The following USH2A variants were observed in gnomAD, a reference collection of about 807,000 sequenced individuals.
USH2A encodes usherin.
USH2A carries 443 observed loss-of-function variants against 538.9 expected under a neutral mutation model. That is an observed-to-expected ratio of 0.82 (90% CI 0.76 to 0.89). The LOEUF is 0.89. USH2A is among the 40% of genes least tolerant of loss of function. The probability of loss-of-function intolerance (pLI) is 0.00; values close to 1 mark genes in which losing one functional copy is unlikely to be tolerated. For synonymous variants in USH2A, 2,413 were observed against 2,273.5 expected (o/e 1.06, Z -1.75); for missense variants, 6,633 against 6,324.8 (o/e 1.05, Z -1.65).
chr1:216,374,148 A>T (rs1344874684), intron 3 of USH2A, among the ~76,000 whole-genome samples: 1 of 151,376 alleles, frequency 6.6e-6, no homozygotes, highest in Non-Finnish European at 1.5e-5. Context: ...GATATACCTA[A>T]TGCTAAATCA....
At position 216,288,013 on chromosome 1, in the gene USH2A, T is replaced by C. The variant is rs140668816; in HGVS notation, c.1971+1267A>G. ...AGAGAGAAGAAGAAAAGTAAACAAA[T>C]AAATTAATTTTACAGAGCCTGTAAT... On this transcript the variant is annotated intron_variant, in intron 11 of 71. Transcript: ENST00000307340. Among the ~76,000 whole-genome samples the C allele has an allele frequency of 1.8e-3, 275 of 152,196 alleles. 7 individuals carry two copies. Among genetic ancestry groups the C allele is most frequent in the East Asian group, 0.015 (79 of 5,178 alleles).
intron 30 of USH2A, among the ~76,000 whole-genome samples, chr1:216,068,783 T>G (rs2031462887): frequency 6.6e-6 from 1 of 152,148 alleles, no homozygotes. Flanking sequence ...ACACACCTCC[T>G]GTATATCAAA....
chr1:216,200,977 A>ATCCCTCCCTCCCTCCCTCCC (rs58287796), intron 16 of USH2A, among the ~76,000 whole-genome samples: 1 of 50,096 alleles, frequency 2.0e-5, no homozygotes, highest in African/African-American at 9.9e-5. Context: ...CCCCCCATCC[A>ATCCCTCCCTCCCTCCCTCCC]TCCCTCCCTC....
intron 32 of USH2A, among the ~76,000 whole-genome samples, chr1:216,007,626 C>G (rs1433113208): frequency 6.6e-6 from 1 of 152,208 alleles, no homozygotes; most frequent in African/African-American, 2.4e-5. Flanking sequence ...TCAGGCAGGG[C>G]CACAGAAAAC....
chr1:216,111,383 T>C lies in USH2A; in HGVS notation c.4628-14170A>G, dbSNP rs544044324. Among the ~76,000 whole-genome samples the C allele has an allele frequency of 6.6e-5, 10 of 152,248 alleles. No homozygotes were observed. The East Asian group carries it at 1.9e-3, about 29-fold the overall frequency. On this transcript the variant is annotated intron_variant, in intron 21 of 71. Coordinates refer to ENST00000307340, the MANE Select transcript of USH2A (RefSeq NM_206933.4). ...TCTGCTGCTATCGCTAAGTTCTCCT[T>C]CTCCTTCGGATACATTAACCAAATC...
chr1:215,871,966 G>A (rs1426213893), intron 43 of USH2A, among the ~76,000 whole-genome samples: 1 of 152,000 alleles, frequency 6.6e-6, no homozygotes, highest in African/African-American at 2.4e-5. Flanking sequence ...GAATGCCTGG[G>A]GTTATTTTCA....
intron 31 of USH2A, among the ~76,000 whole-genome samples, chr1:216,047,836 C>T (rs1561172): frequency 1.7e-3 from 262 of 152,284 alleles, no homozygotes; most frequent in Admixed American, 2.6e-3. Flanking sequence ...AGTAACAATG[C>T]TTCAAATGTT....
chr1:216,007,068 T>C (rs1668410657), intron 32 of USH2A, among the ~76,000 whole-genome samples: 1 of 152,140 alleles, frequency 6.6e-6, no homozygotes, highest in African/African-American at 2.4e-5. Context: ...TGAGATCTAA[T>C]GGTTCCATAA....
intron 60 of USH2A, among the ~76,000 whole-genome samples, chr1:215,740,143 C>T (rs774877835): frequency 6.6e-6 from 1 of 151,984 alleles, no homozygotes; most frequent in African/African-American, 2.4e-5. Flanking sequence ...TTCTACTCAC[C>T]TCCCCTCACT....
chr1:215,894,844 G>T (rs568275552), intron 40 of USH2A, among the ~76,000 whole-genome samples: 81 of 152,270 alleles, frequency 5.3e-4, no homozygotes, highest in African/African-American at 1.9e-3. Flanking sequence ...ATATGTCAGT[G>T]CTCTCTTACA....
At chr1:215,671,594 G>A (rs761889633) in intron 63 of USH2A, among the ~76,000 whole-genome samples, 2 of 152,094 alleles carry the variant, frequency 1.3e-5, no homozygotes, top group African/African-American at 2.4e-5. Flanking sequence ...CTAAACTAAA[G>A]TTCCTGATCT....
At chr1:215,686,641 A>G (rs531476113) in intron 61 of USH2A, among the ~76,000 whole-genome samples, 4 of 152,234 alleles carry the variant, frequency 2.6e-5, no homozygotes, top group Admixed American at 6.5e-5. Context: ...AGAGCTCTGC[A>G]ATGCAATTTG....
At position 215,918,429 on chromosome 1, in the gene USH2A, CTG is replaced by C. The variant is rs368833579; in HGVS notation, c.7300+16185_7300+16186del. On this transcript the variant is annotated intron_variant, in intron 38 of 71. Transcript: ENST00000307340. ...ACCCAAGGGAGACTTCTCACCCCTT[CTG>C]CCATGTGAAGTTAGAGTAAAGAAAA... Among the ~76,000 whole-genome samples, 114 of 152,192 alleles carry C rather than the reference CTG, an allele frequency of 7.5e-4. 2 individuals are homozygous for C. In the South Asian group the frequency reaches 0.023, roughly 30 times the overall value.
At chr1:215,731,122 G>A (rs920054017) in intron 60 of USH2A, among the ~76,000 whole-genome samples, 6 of 152,164 alleles carry the variant, frequency 3.9e-5, no homozygotes, top group Admixed American at 3.3e-4. Context: ...TTGAGATGTA[G>A]TCATGGTTTC....
intron 38 of USH2A, among the ~76,000 whole-genome samples, chr1:215,904,894 G>T (rs1156574786): frequency 2.6e-5 from 4 of 152,024 alleles, no homozygotes; most frequent in African/African-American, 4.8e-5. Context: ...TGGAATAATT[G>T]AGATGGTATA....
intron 70 of USH2A, among the ~76,000 whole-genome samples, chr1:215,630,516 ATATATATATATG>A (rs1656241480): frequency 9.9e-6 from 1 of 101,504 alleles, no homozygotes; most frequent in Non-Finnish European, 2.2e-5. Flanking sequence ...ATATATATAT[ATATATATATATG>A]AGAGAGAGAA....
At chr1:215,999,768 C>A (rs1460113447) in intron 33 of USH2A, among the ~76,000 whole-genome samples, 2 of 152,094 alleles carry the variant, frequency 1.3e-5, no homozygotes, top group Non-Finnish European at 2.9e-5. Context: ...AGACATGGAA[C>A]AATGAGATCT....
At chr1:216,247,335 G>GT (rs769625754) in intron 12 of USH2A, 109 bp from the exon 13 acceptor site, 26 of 1,393,256 alleles carry the variant, frequency 1.9e-5, no homozygotes, top group Non-Finnish European at 2.6e-5. Flanking sequence ...AATATTGAGT[G>GT]TTTTCTCACA....
intron 36 of USH2A, among the ~76,000 whole-genome samples, chr1:215,966,277 G>A (rs936955722): frequency 6.6e-6 from 1 of 152,148 alleles, no homozygotes; most frequent in African/African-American, 2.4e-5. Flanking sequence ...TAGTTGGCAA[G>A]AAAGTAGAAA....
Sources: allele counts gnomAD v4.1 joint callset (sites outside exome capture counted in the v4.1 genomes callset), GRCh38; gene constraint gnomAD v4.1.1; transcripts MANE v1.5; gene names NCBI Gene and HGNC (gene_info 2026-07-23, HGNC 2026-07-21).